Variants in CFAP77 observed in about 807,000 individuals in gnomAD.
The protein encoded by CFAP77 is cilia- and flagella-associated protein 77.
In CFAP77, 25 loss-of-function variants were observed where a neutral mutation model predicts 31.1. The observed-to-expected ratio is 0.80, with a 90% CI of 0.59 to 1.12. CFAP77 has a LOEUF of 1.12. CFAP77 is among the 50% of genes most tolerant of loss of function. The probability of loss-of-function intolerance (pLI) is 0.00; values close to 1 mark genes in which losing one functional copy is unlikely to be tolerated. For synonymous variants in CFAP77, 151 were observed against 159.9 expected, an observed-to-expected ratio of 0.94 and a Z score of 0.42; for missense variants, 377 against 397.3, an observed-to-expected ratio of 0.95 and a Z score of 0.44.
At position 132,498,444 on chromosome 9, in the gene CFAP77, C is replaced by T. The variant is rs1723884253; in HGVS notation, c.196-251C>T. ...CCAACAATACACATGTACCGAGAGGCCCCCCGTCTCTGATGTCTTCACTTG... is the reference window on the plus strand; with the variant it reads ...CCAACAATACACATGTACCGAGAGGTCCCCCGTCTCTGATGTCTTCACTTG... On this transcript the variant is annotated intron_variant, in intron 1 of 5. Coordinates refer to ENST00000393216, the MANE Select transcript of CFAP77 (RefSeq NM_001282957.2). The surrounding 1 kb of genome is among the most constrained non-coding windows in gnomAD (Gnocchi z 4.2). Among the ~76,000 whole-genome samples the T allele has an allele frequency of 1.3e-5, 2 of 152,208 alleles. No homozygotes were observed. The highest frequency in any genetic ancestry group is 1.9e-4 in the East Asian group (1 of 5,178).
At chr9:132,541,084 A>G (rs1394619219) in intron 4 of CFAP77, among the ~76,000 whole-genome samples, 1 of 152,154 alleles carries the variant, frequency 6.6e-6, no homozygotes, top group Non-Finnish European at 1.5e-5. Context: ...GGACTTGCTT[A>G]GACGGTCAGT....
rs935720417 is a variant in CFAP77, at chr9:132,498,875, C to T, written c.295+81C>T. 1.4e-5 allele frequency: 14 copies of T among 998,044 alleles called. No individual in the cohort carries two copies. Among genetic ancestry groups the T allele is most frequent in the African/African-American group, 9.7e-5 (6 of 61,944 alleles). The allele number at this position is 998,044 out of a possible 1,614,324, so 61.8% of individuals were successfully genotyped here. A position where few individuals can be genotyped will look rare whatever the true frequency, so the allele number is the denominator to read the frequency against. On this transcript the variant is annotated intron_variant, in intron 2 of 5. Transcript: ENST00000393216. The surrounding 1 kb of genome is among the most constrained non-coding windows in gnomAD (Gnocchi z 4.2). Reference sequence around the variant, plus strand: ...TCTTCACAGACCCCTTGACCTAGCTCGCTGCTTGGCAGCTGGTTGGGTGCT... The same window carrying T: ...TCTTCACAGACCCCTTGACCTAGCTTGCTGCTTGGCAGCTGGTTGGGTGCT...
chr9:132,493,906 C>T (rs867738076), intron 1 of CFAP77, among the ~76,000 whole-genome samples: 15 of 148,414 alleles, frequency 1.0e-4, no homozygotes, highest in Non-Finnish European at 1.0e-4. Flanking sequence ...TTCCTTCCTT[C>T]CTTCCTTTCT....
At chr9:132,570,329 C>A (rs1829941195) in intron 5 of CFAP77, among the ~76,000 whole-genome samples, 1 of 152,224 alleles carries the variant, frequency 6.6e-6, no homozygotes, top group African/African-American at 2.4e-5. Flanking sequence ...GGTAACTATG[C>A]TACGCGCTCT....
chr9:132,515,007 G>T (rs890694580), intron 3 of CFAP77, among the ~76,000 whole-genome samples: 1 of 152,202 alleles, frequency 6.6e-6, no homozygotes, highest in African/African-American at 2.4e-5. Context: ...AGTGCCGGGG[G>T]CCAGCAAGTG....
intron 1 of CFAP77, among the ~76,000 whole-genome samples, chr9:132,487,698 A>T (rs1259412283): frequency 2.9e-5 from 4 of 138,650 alleles, no homozygotes; most frequent in African/African-American, 1.1e-4. Flanking sequence ...TCACACATGG[A>T]TGTGGTCTTC....
intron 1 of CFAP77, among the ~76,000 whole-genome samples, chr9:132,428,650 C>CG (rs796563531): frequency 9.2e-5 from 14 of 152,152 alleles, no homozygotes; most frequent in African/African-American, 3.4e-4. Flanking sequence ...ACACCCTGTA[C>CG]GGGAAAAACA....
chr9:132,533,134 C>T (rs1278458433), intron 3 of CFAP77, among the ~76,000 whole-genome samples: 2 of 152,200 alleles, frequency 1.3e-5, no homozygotes, highest in African/African-American at 4.8e-5. Context: ...AGGCGCCCTA[C>T]GTGACTGAAT....
chr9:132,448,031 A>C (rs1589855780), intron 1 of CFAP77, among the ~76,000 whole-genome samples: 2 of 152,318 alleles, frequency 1.3e-5, no homozygotes, highest in East Asian at 3.9e-4. Context: ...TGGCTTAATT[A>C]GATGACAACT....
At chr9:132,418,089 A>G (rs911245734) in intron 1 of CFAP77, among the ~76,000 whole-genome samples, 2 of 152,232 alleles carry the variant, frequency 1.3e-5, no homozygotes, top group Non-Finnish European at 2.9e-5. Context: ...TACCCTACCT[A>G]CATCTCAAGG....
Position 132,481,455 on chromosome 9 carries a change from C to T in CFAP77, c.196-17240C>T, listed in dbSNP as rs769347319. Among the ~76,000 whole-genome samples, 73 of 152,312 alleles carry T rather than the reference C, an allele frequency of 4.8e-4. No individual in the cohort carries two copies. The highest frequency in any genetic ancestry group is 1.7e-3 in the African/African-American group (72 of 41,572). On this transcript the variant is annotated intron_variant, in intron 1 of 5. Transcript: ENST00000393216. The surrounding 1 kb of genome is among the most constrained non-coding windows in gnomAD (Gnocchi z 5.0). ...AACTCACTCCTTACACTCCTCCCTC[C>T]CCAGCAAGATTTCATCCATCTTTGT...
chr9:132,491,707 T>C (rs1851655954), intron 1 of CFAP77, among the ~76,000 whole-genome samples: 1 of 152,254 alleles, frequency 6.6e-6, no homozygotes, highest in African/African-American at 2.4e-5. Context: ...TCTTATTTGT[T>C]TTTATTAATC....
At chr9:132,508,732 A>G (rs1032934018) in intron 3 of CFAP77, among the ~76,000 whole-genome samples, 8 of 152,266 alleles carry the variant, frequency 5.3e-5, no homozygotes, top group African/African-American at 1.7e-4. Context: ...GCCCCCACTG[A>G]GTGACCGCTG....
In CFAP77 at chr9:132,498,442, G is replaced by A. The variant is rs1308887172; in HGVS notation, c.196-253G>A. Among the ~76,000 whole-genome samples, 2 of 152,104 alleles carry A rather than the reference G, an allele frequency of 1.3e-5. No individual in the cohort carries two copies. The highest frequency in any genetic ancestry group is 2.9e-5 in the Non-Finnish European group (2 of 68,020). ...CTCCAACAATACACATGTACCGAGA[G>A]GCCCCCCGTCTCTGATGTCTTCACT... On this transcript the variant is annotated intron_variant, in intron 1 of 5. Transcript: ENST00000393216. This position sits in a 1 kb window ranked among gnomAD's most constrained non-coding sequence, Gnocchi z 4.2.
chr9:132,482,808 G>C (rs534918020), intron 1 of CFAP77, among the ~76,000 whole-genome samples: 2 of 107,372 alleles, frequency 1.9e-5, no homozygotes, highest in Admixed American at 1.1e-4. Context: ...GTTGTGGGGT[G>C]GGGGGAGGGG....
intron 1 of CFAP77, among the ~76,000 whole-genome samples, chr9:132,479,199 G>A (rs945355140): frequency 1.3e-5 from 2 of 152,154 alleles, no homozygotes; most frequent in African/African-American, 2.4e-5. Context: ...CTTTACCTTA[G>A]TGATGCAACC....
chr9:132,524,210 G>A (rs548358244), intron 3 of CFAP77, among the ~76,000 whole-genome samples: 56 of 152,100 alleles, frequency 3.7e-4, no homozygotes, highest in Middle Eastern at 3.4e-3. Flanking sequence ...TCCTTGTCTC[G>A]GTTTGTGATC....
In CFAP77 at chr9:132,410,421, G is replaced by A. The variant is rs777051435; in HGVS notation, c.150G>A (p.Leu50=). The change falls in exon 1 of 6, where the codon CTG becomes CTA. Residue 50 remains leucine (L), a synonymous_variant. Coordinates refer to ENST00000393216, the MANE Select transcript of CFAP77 (RefSeq NM_001282957.2). ...DIRSGMENER[L]GVVRDSMFQN... Reference sequence around the variant, plus strand: ...GTTCCGGCATGGAGAACGAGCGGCTGGGGGTCGTGCGGGACTCCATGTTTC... The same window carrying A: ...GTTCCGGCATGGAGAACGAGCGGCTAGGGGTCGTGCGGGACTCCATGTTTC... The A allele has an allele frequency of 5.6e-6, 9 of 1,599,760 alleles. No individual in the cohort carries two copies. In the South Asian group the frequency reaches 1.0e-4, roughly 18 times the overall value.
chr9:132,565,384 C>A lies in CFAP77; in HGVS notation c.733-7004C>A, dbSNP rs1345830057. 6.6e-6 allele frequency among the ~76,000 whole-genome samples: 1 copy of A among 152,058 alleles called. No individual in the cohort carries two copies. Among genetic ancestry groups the A allele is most frequent in the African/African-American group, 2.4e-5 (1 of 41,402 alleles). ...GTGGCTCACGCCTGTAATCCCAGCA[C>A]TTTGGGAGGCCGAGGTGAGTGGATC... On this transcript the variant is annotated intron_variant, in intron 5 of 5. Coordinates refer to ENST00000393216, the MANE Select transcript of CFAP77 (RefSeq NM_001282957.2). The surrounding 1 kb of genome is among the most constrained non-coding windows in gnomAD (Gnocchi z 4.1).
Sources: allele counts gnomAD v4.1 joint callset (sites outside exome capture counted in the v4.1 genomes callset), GRCh38; gene constraint gnomAD v4.1.1; non-coding constraint Gnocchi (gnomAD v3.1); transcripts MANE v1.5; gene names NCBI Gene and HGNC (gene_info 2026-07-23, HGNC 2026-07-21).